The following KCNC2 variants were observed in gnomAD, a reference collection of about 807,000 sequenced individuals.
The protein encoded by KCNC2 is voltage-gated potassium channel KCNC2.
In KCNC2, 21 loss-of-function variants were observed where a neutral mutation model predicts 44.5. That is an observed-to-expected ratio of 0.47 (90% confidence interval 0.33 to 0.68). The LOEUF (loss-of-function observed/expected upper bound fraction) is 0.68. Among genes scored for constraint, KCNC2 ranks in the 30% least tolerant of loss-of-function variants. The pLI is 0.01. For missense variants in KCNC2, 589 were observed against 826.2 expected (o/e 0.71, Z 3.52); for synonymous variants, 391 against 339.1 (o/e 1.15, Z -1.68).
At chr12:75,148,264 A>G (rs991068394) in intron 2 of KCNC2, among the ~76,000 whole-genome samples, 29 of 152,108 alleles carry the variant, frequency 1.9e-4, no homozygotes, top group African/African-American at 7.0e-4. Context: ...TATCCTTTAC[A>G]TGACTAGTAA....
chr12:75,161,937 A>T (rs1162178399), intron 2 of KCNC2, among the ~76,000 whole-genome samples: 2 of 151,818 alleles, frequency 1.3e-5, no homozygotes, highest in African/African-American at 4.8e-5. Flanking sequence ...ACTGAAAGCA[A>T]CTTAAATTCC....
chr12:75,119,868 T>C (rs1887931411), intron 2 of KCNC2, among the ~76,000 whole-genome samples: 1 of 152,220 alleles, frequency 6.6e-6, no homozygotes, highest in Admixed American at 6.5e-5. Context: ...AAATACATGG[T>C]AGTTTAAGAA....
intron 2 of KCNC2, among the ~76,000 whole-genome samples, chr12:75,098,792 A>G (rs1045858508): frequency 6.6e-6 from 1 of 152,030 alleles, no homozygotes; most frequent in African/African-American, 2.4e-5. Context: ...AAATAAAGGA[A>G]TGATATCTCA....
chr12:75,130,496 T>G (rs1888758587), intron 2 of KCNC2, among the ~76,000 whole-genome samples: 1 of 152,158 alleles, frequency 6.6e-6, no homozygotes, highest in African/African-American at 2.4e-5. Context: ...CTAAGCTTTA[T>G]GCTAGCACCA....
intron 2 of KCNC2, among the ~76,000 whole-genome samples, chr12:75,098,958 G>A (rs1436173096): frequency 6.6e-6 from 1 of 152,160 alleles, no homozygotes; most frequent in South Asian, 2.1e-4. Flanking sequence ...TGTTCTCCAT[G>A]CCCTGCTGAT....
chr12:75,184,470 T>C (rs1268477795), intron 2 of KCNC2, among the ~76,000 whole-genome samples: 1 of 152,172 alleles, frequency 6.6e-6, no homozygotes, highest in Non-Finnish European at 1.5e-5. Context: ...CTTCTATGCC[T>C]TCTGTGTGAA....
At chr12:75,182,405 C>A (rs2137653088) in intron 2 of KCNC2, among the ~76,000 whole-genome samples, 1 of 151,530 alleles carries the variant, frequency 6.6e-6, no homozygotes, top group South Asian at 2.1e-4. Context: ...TGCCTGTAGT[C>A]CCAGCTACTT....
At chr12:75,192,097 T>G (rs2030335687) in intron 2 of KCNC2, among the ~76,000 whole-genome samples, 1 of 152,230 alleles carries the variant, frequency 6.6e-6, no homozygotes, top group African/African-American at 2.4e-5. Context: ...ATTTGTTTGA[T>G]GAAGCATATT....
At position 75,051,046 on chromosome 12, in the gene KCNC2, A is replaced by G. The variant is rs751493273; in HGVS notation, c.959T>C (p.Phe320Ser). The G allele has an allele frequency of 6.2e-7, 1 of 1,613,820 alleles. No individual in the cohort carries two copies. The stretch of plus-strand genomic sequence containing the variant: ...TAAGTAGAAAGGTAGGATGGCCACA[A>G]AGTCAATGATATTCAAGAGATTTTT... ...FIKNLLNIIDFVAILPFYLEV... is the reference protein window; with the variant it reads ...FIKNLLNIIDSVAILPFYLEV... Residue 320 changes from phenylalanine to serine, a missense_variant, in exon 3 of 5, where the codon TTT (phenylalanine) becomes TCT (serine). This residue lies in a region of KCNC2 where 67 missense variants were observed against 237.4 expected (regional missense o/e 0.28). Transcript: ENST00000549446.
chr12:75,057,329 G>GA (rs1382361297), intron 2 of KCNC2, among the ~76,000 whole-genome samples: 2 of 151,988 alleles, frequency 1.3e-5, no homozygotes, highest in East Asian at 1.9e-4. Flanking sequence ...TCTATAGAGA[G>GA]AAAAAAATCT....
Position 75,042,268 on chromosome 12 carries a change from G to A in KCNC2, c.*837C>T. On this transcript the variant is annotated 3_prime_UTR_variant, in exon 5 of 5. Coordinates refer to ENST00000549446, the MANE Select transcript of KCNC2 (RefSeq NM_139137.4). ...TTTCTGGCTAAACAATGCAAGCCTG[G>A]CTGGCAGTTACCTTTCTCTCATGTT... The A allele has an allele frequency of 6.2e-7, 1 of 1,607,520 alleles. No homozygotes were observed. The highest frequency in any genetic ancestry group is 8.5e-7 in the Non-Finnish European group (1 of 1,176,826).
At chr12:75,158,212 A>G (rs1260212060) in intron 2 of KCNC2, among the ~76,000 whole-genome samples, 1 of 151,904 alleles carries the variant, frequency 6.6e-6, no homozygotes, top group Non-Finnish European at 1.5e-5. Flanking sequence ...TGTGAAATAT[A>G]ACAGTAATAA....
intron 2 of KCNC2, among the ~76,000 whole-genome samples, chr12:75,187,168 C>A (rs191030014): frequency 2.2e-4 from 34 of 152,170 alleles, no homozygotes; most frequent in Admixed American, 2.2e-3. Context: ...TTAAATGAAA[C>A]TTGTAAGAGG....
intron 2 of KCNC2, among the ~76,000 whole-genome samples, chr12:75,085,602 C>A (rs1030560959): frequency 6.6e-6 from 1 of 152,128 alleles, no homozygotes. Flanking sequence ...TATAGGCGGG[C>A]TGACATATTT....
intron 2 of KCNC2, among the ~76,000 whole-genome samples, chr12:75,205,190 C>T (rs2031589160): frequency 6.6e-6 from 1 of 152,102 alleles, no homozygotes; most frequent in African/African-American, 2.4e-5. Flanking sequence ...TGTCATGAGA[C>T]CTCTGGGATA....
At chr12:75,044,674 A>G (rs532471623) in intron 4 of KCNC2, 142 of 152,108 alleles carry the variant, frequency 9.3e-4, no homozygotes, top group African/African-American at 3.3e-3. Flanking sequence ...GCTGGACTGG[A>G]TAAGAAAAGA....
At chr12:75,165,975 G>A (rs1452393054) in intron 2 of KCNC2, among the ~76,000 whole-genome samples, 1 of 151,192 alleles carries the variant, frequency 6.6e-6, no homozygotes, top group Non-Finnish European at 1.5e-5. Context: ...GAGATTGACA[G>A]AATGAGTTTA....
intron 2 of KCNC2, among the ~76,000 whole-genome samples, chr12:75,062,274 A>G (rs1377657907): frequency 6.6e-6 from 1 of 152,096 alleles, no homozygotes; most frequent in Non-Finnish European, 1.5e-5. Flanking sequence ...AGACTCAGAA[A>G]AGAAAAGCTA....
chr12:75,145,465 A>C (rs1189454164), intron 2 of KCNC2, among the ~76,000 whole-genome samples: 1 of 145,110 alleles, frequency 6.9e-6, no homozygotes. Context: ...CTTTTCTTTT[A>C]TTAAAAAAAA....
Sources: allele counts gnomAD v4.1 joint callset (sites outside exome capture counted in the v4.1 genomes callset), GRCh38; gene constraint gnomAD v4.1.1; regional missense constraint gnomAD v4.1.1; transcripts MANE v1.5; gene names NCBI Gene and HGNC (gene_info 2026-07-23, HGNC 2026-07-21).